Variants in MACROD2 observed in about 807,000 individuals in gnomAD.
The protein encoded by MACROD2 is ADP-ribose glycohydrolase MACROD2.
In MACROD2, 36 loss-of-function variants were observed where a neutral mutation model predicts 70.4. The ratio of observed to expected loss-of-function variants is 0.51; its 90% CI spans 0.39 to 0.68. The LOEUF is 0.68. MACROD2 is among the 30% of genes least tolerant of loss of function. The probability of loss-of-function intolerance (pLI) is 0.00; values close to 1 mark genes in which losing one functional copy is unlikely to be tolerated. For missense variants in MACROD2, 496 were observed against 538.4 expected (o/e 0.92, Z 0.78); for synonymous variants, 172 against 178.8 (o/e 0.96, Z 0.30).
intron 6 of MACROD2, among the ~76,000 whole-genome samples, chr20:15,414,028 AC>A (rs2046113984): frequency 6.6e-6 from 1 of 152,184 alleles, no homozygotes; most frequent in African/African-American, 2.4e-5. Flanking sequence ...AATTGGAGGC[AC>A]CATAGAGCAG....
rs564678635 is a variant in MACROD2, at chr20:15,104,051, A to T, written c.419-125889A>T. Among the ~76,000 whole-genome samples the T allele has an allele frequency of 7.7e-4, 117 of 152,222 alleles. 1 individual carries two copies. Among genetic ancestry groups the T allele is most frequent in the Non-Finnish European group, 1.4e-3 (92 of 67,984 alleles). Reference sequence around the variant, plus strand: ...TTTTTCTAGGGTTGGGACAGTGGAGATAGGGGAGAAATGGACCTACTCATG... The same window carrying T: ...TTTTTCTAGGGTTGGGACAGTGGAGTTAGGGGAGAAATGGACCTACTCATG... On this transcript the variant is annotated intron_variant, in intron 5 of 17. Transcript: ENST00000684519.
At chr20:15,475,163 T>A (rs1414063699) in intron 7 of MACROD2, among the ~76,000 whole-genome samples, 5 of 152,216 alleles carry the variant, frequency 3.3e-5, no homozygotes, top group Non-Finnish European at 7.3e-5. Context: ...GTGCATAGGT[T>A]GTATGCAAAT....
At chr20:16,041,171 A>G (rs753512643) in intron 15 of MACROD2, 30 bp from the exon 16 acceptor site, 24 of 1,593,566 alleles carry the variant, frequency 1.5e-5, no homozygotes, top group Non-Finnish European at 7.7e-6. Context: ...TTCTCTATTC[A>G]TCAGGGACTG....
rs562204946 is a variant in MACROD2 at position 14,119,681 on chromosome 20, C to A, written c.271+33953C>A. On this transcript the variant is annotated intron_variant, in intron 3 of 17. Transcript: ENST00000684519. ...CATTTTTTGCCTTTTCCATTTGACACTTATATGTCAAATAGCCTGTGCTAA... is the reference window on the plus strand; with the variant it reads ...CATTTTTTGCCTTTTCCATTTGACAATTATATGTCAAATAGCCTGTGCTAA... Among the ~76,000 whole-genome samples, 11 of 152,272 alleles carry A rather than the reference C, an allele frequency of 7.2e-5. No individual in the cohort carries two copies. The South Asian group carries it at 1.5e-3, about 20-fold the overall frequency.
intron 4 of MACROD2, among the ~76,000 whole-genome samples, chr20:14,615,142 G>A (rs2123437219): frequency 1.3e-5 from 2 of 152,216 alleles, no homozygotes; most frequent in South Asian, 4.1e-4. Flanking sequence ...AGAGTCTTAA[G>A]TTGGGCTGCA....
intron 15 of MACROD2, among the ~76,000 whole-genome samples, chr20:16,014,603 C>T (rs1324509804): frequency 1.3e-5 from 2 of 152,336 alleles, no homozygotes; most frequent in South Asian, 2.1e-4. Flanking sequence ...CTGGGTTCAA[C>T]AGAAGCCAAG....
chr20:15,234,009 A>ATTTTTTTTTTTTT (rs1342277075), intron 6 of MACROD2, among the ~76,000 whole-genome samples: 7 of 39,992 alleles, frequency 1.8e-4, no homozygotes, highest in Admixed American at 4.1e-4. Flanking sequence ...ATATATATAT[A>ATTTTTTTTTTTTT]TTCTTTTTTT....
chr20:14,027,168 T>C (rs1446074639), intron 2 of MACROD2, among the ~76,000 whole-genome samples: 1 of 152,192 alleles, frequency 6.6e-6, no homozygotes, highest in Non-Finnish European at 1.5e-5. Context: ...TTTCATTCTT[T>C]TTTTCTCTCA....
chr20:15,401,825 C>A (rs983474461), intron 6 of MACROD2, among the ~76,000 whole-genome samples: 1 of 152,076 alleles, frequency 6.6e-6, no homozygotes, highest in Admixed American at 6.5e-5. Context: ...GGTGACCAGG[C>A]GGTCAGATGG....
chr20:15,265,901 T>C (rs2077290268), intron 6 of MACROD2, among the ~76,000 whole-genome samples: 1 of 152,214 alleles, frequency 6.6e-6, no homozygotes. Flanking sequence ...TGACCCTCAA[T>C]AGCTTAATAA....
intron 3 of MACROD2, among the ~76,000 whole-genome samples, chr20:14,264,363 G>A (rs1001550232): frequency 6.6e-6 from 1 of 152,172 alleles, no homozygotes. Flanking sequence ...TAAGTACTAG[G>A]AAGTTCCATG....
chr20:15,720,880 G>A (rs551954680), intron 8 of MACROD2, among the ~76,000 whole-genome samples: 13 of 152,248 alleles, frequency 8.5e-5, no homozygotes, highest in African/African-American at 3.1e-4. Context: ...TCAGTAGGGT[G>A]TAGCAATCAA....
At chr20:15,789,511 C>T (rs1351523182) in intron 8 of MACROD2, among the ~76,000 whole-genome samples, 10 of 151,936 alleles carry the variant, frequency 6.6e-5, no homozygotes, top group Admixed American at 6.6e-4. Context: ...AATGTAACAG[C>T]GATTCTAAAA....
chr20:15,494,472 A>G (rs1394371863), intron 7 of MACROD2, among the ~76,000 whole-genome samples: 2 of 152,250 alleles, frequency 1.3e-5, no homozygotes, highest in African/African-American at 2.4e-5. Flanking sequence ...GAATATCCAT[A>G]CAATGGAATG....
At chr20:15,070,222 T>C (rs367840085) in intron 5 of MACROD2, among the ~76,000 whole-genome samples, 33 of 152,288 alleles carry the variant, frequency 2.2e-4, no homozygotes, top group Non-Finnish European at 4.1e-4. Context: ...AATGGGATTG[T>C]TTACCCAATG....
chr20:15,171,909 G>GCA (rs1458819403), intron 5 of MACROD2, among the ~76,000 whole-genome samples: 1 of 152,136 alleles, frequency 6.6e-6, no homozygotes, highest in Non-Finnish European at 1.5e-5. Context: ...CCAGCAGCTA[G>GCA]CACAATACCT....
At chr20:15,276,287 C>G (rs1288890653) in intron 6 of MACROD2, among the ~76,000 whole-genome samples, 15 of 151,752 alleles carry the variant, frequency 9.9e-5, no homozygotes, top group Non-Finnish European at 2.9e-5. Context: ...GTAGTCCCGG[C>G]TACTCGGGAG....
chr20:15,514,964 A>G (rs1373259320), intron 8 of MACROD2, among the ~76,000 whole-genome samples: 1 of 152,254 alleles, frequency 6.6e-6, no homozygotes, highest in Non-Finnish European at 1.5e-5. Context: ...AGTCTAATTC[A>G]GATCTCTTCT....
intron 8 of MACROD2, among the ~76,000 whole-genome samples, chr20:15,846,006 A>T (rs919189845): frequency 1.3e-5 from 2 of 152,204 alleles, no homozygotes; most frequent in South Asian, 4.1e-4. Flanking sequence ...TTCCACGTGG[A>T]CTGGATAGAC....
Sources: allele counts gnomAD v4.1 joint callset (sites outside exome capture counted in the v4.1 genomes callset), GRCh38; gene constraint gnomAD v4.1.1; transcripts MANE v1.5; gene names NCBI Gene and HGNC (gene_info 2026-07-23, HGNC 2026-07-21).